Variants in KLHL4 observed in about 807,000 individuals in gnomAD.
KLHL4 encodes the protein kelch like family member 4.
In KLHL4, 17 loss-of-function variants were observed where a neutral mutation model predicts 45.8. That is an observed-to-expected ratio of 0.37 (90% CI 0.25 to 0.56). The LOEUF is 0.56. Among genes scored for constraint, KLHL4 ranks in the 20% least tolerant of loss-of-function variants. KLHL4 has a pLI of 0.79. For synonymous variants in KLHL4, 224 were observed against 189.9 expected (o/e 1.18, Z -1.47); for missense variants, 544 against 544.9 (o/e 1.00, Z 0.02).
intron 1 of KLHL4, among the ~76,000 whole-genome samples, chrX:87,538,786 A>C (rs1175475269): frequency 9.0e-6 from 1 of 111,189 alleles, no homozygotes; most frequent in Non-Finnish European, 1.9e-5. Flanking sequence ...CTTCTCTTAA[A>C]CTTCAGGAAT....
chrX:87,618,265 G>A (rs1201252681), intron 4 of KLHL4, 137 bp downstream of exon 4: 6 of 428,093 alleles, frequency 1.4e-5, no homozygotes, highest in Non-Finnish European at 2.2e-5. Context: ...TTGTCTGGTT[G>A]AGCTGCACTC....
intron 1 of KLHL4, among the ~76,000 whole-genome samples, chrX:87,536,341 AGTTACCT>A (rs1931427189): frequency 9.0e-6 from 1 of 111,252 alleles, no homozygotes; most frequent in East Asian, 2.8e-4. Flanking sequence ...TGACTTTTAA[AGTTACCT>A]TGCAATTTTT....
intron 1 of KLHL4, among the ~76,000 whole-genome samples, chrX:87,558,032 A>G (rs1388502470): frequency 8.9e-6 from 1 of 111,790 alleles, no homozygotes; most frequent in Non-Finnish European, 1.9e-5. Flanking sequence ...TTGTCTAAGA[A>G]ATTGCTTAAA....
At chrX:87,640,727 A>G (rs1482281597) in intron 9 of KLHL4, among the ~76,000 whole-genome samples, 3 of 111,728 alleles carry the variant, frequency 2.7e-5, no homozygotes, top group Admixed American at 9.5e-5. Context: ...ACCCACAGCC[A>G]ACATAATACT....
At chrX:87,628,745 T>C (rs909859885) in intron 6 of KLHL4, among the ~76,000 whole-genome samples, 1 of 111,646 alleles carries the variant, frequency 9.0e-6, no homozygotes, top group Admixed American at 9.6e-5. Flanking sequence ...CTTTTATATT[T>C]TGATGTTTAG....
At chrX:87,561,345 C>T (rs1252146768) in intron 1 of KLHL4, among the ~76,000 whole-genome samples, 1 of 110,798 alleles carries the variant, frequency 9.0e-6, no homozygotes, top group African/African-American at 3.3e-5. Context: ...CACATTGGGG[C>T]AGGGATAATC....
chrX:87,625,203 G>A (rs1238254077), intron 5 of KLHL4, among the ~76,000 whole-genome samples: 4 of 112,374 alleles, frequency 3.6e-5, no homozygotes, highest in Non-Finnish European at 7.5e-5. Context: ...GCTACTACCA[G>A]CAGATTTTTA....
chrX:87,551,606 GATAGAA>G (rs1252259275), intron 1 of KLHL4, among the ~76,000 whole-genome samples: 1 of 109,327 alleles, frequency 9.1e-6, no homozygotes, highest in Non-Finnish European at 1.9e-5. Context: ...TAGATAGATA[GATAGAA>G]ATAGAAATCT....
chrX:87,564,489 A>G (rs912976082), intron 1 of KLHL4, among the ~76,000 whole-genome samples: 4 of 111,664 alleles, frequency 3.6e-5, no homozygotes, highest in African/African-American at 9.7e-5. Context: ...GAAATAATGT[A>G]AAAATATATT....
chrX:87,657,222 T>G (rs1348414193), intron 9 of KLHL4, among the ~76,000 whole-genome samples: 4 of 111,962 alleles, frequency 3.6e-5, no homozygotes, highest in African/African-American at 9.7e-5. Flanking sequence ...TGCTTTATAT[T>G]TGCTTATCAG....
chrX:87,587,229 A>T (rs1173122036), intron 1 of KLHL4, among the ~76,000 whole-genome samples: 1 of 109,464 alleles, frequency 9.1e-6, no homozygotes, highest in Non-Finnish European at 1.9e-5. Flanking sequence ...AATTAATAAC[A>T]ATCTCACTCA....
intron 1 of KLHL4, among the ~76,000 whole-genome samples, chrX:87,536,911 A>T (rs1931441986): frequency 8.9e-6 from 1 of 111,794 alleles, no homozygotes. Context: ...CTTCATTGTA[A>T]CATAAGTTTA....
At chrX:87,649,282 T>C (rs900651529) in intron 9 of KLHL4, among the ~76,000 whole-genome samples, 2 of 111,913 alleles carry the variant, frequency 1.8e-5, no homozygotes, top group African/African-American at 6.5e-5. Flanking sequence ...GAATCATAAA[T>C]AGTTATTATT....
chrX:87,537,827 G>T (rs1457731649), intron 1 of KLHL4, among the ~76,000 whole-genome samples: 1 of 111,031 alleles, frequency 9.0e-6, no homozygotes, highest in African/African-American at 3.3e-5. Context: ...ATATTTATAT[G>T]GTACTTGTAA....
At chrX:87,565,753 A>T (rs1361580684) in intron 1 of KLHL4, among the ~76,000 whole-genome samples, 2 of 94,337 alleles carry the variant, frequency 2.1e-5, no homozygotes, top group Non-Finnish European at 4.1e-5. Flanking sequence ...TCTTACAGAT[A>T]CAAAAATAAT....
chrX:87,613,848 C>T, intron 1 of KLHL4, 29 bp from the exon 2 acceptor site: 1 of 1,078,632 alleles, frequency 9.3e-7, no homozygotes, highest in East Asian at 3.2e-5. Context: ...ATATGATGAA[C>T]CATATTCTCA....
chrX:87,662,334 C>T (rs1345598746), intron 9 of KLHL4, among the ~76,000 whole-genome samples: 1 of 111,205 alleles, frequency 9.0e-6, no homozygotes, highest in African/African-American at 3.3e-5. Flanking sequence ...TTATGTGATT[C>T]ATAGATGAAG....
intron 1 of KLHL4, among the ~76,000 whole-genome samples, chrX:87,531,088 A>G (rs1931262054): frequency 9.0e-6 from 1 of 111,362 alleles, no homozygotes; most frequent in African/African-American, 3.3e-5. Flanking sequence ...GTGTCTGTTC[A>G]TGTCCTTTGC....
At chrX:87,557,734 A>C (rs901869162) in intron 1 of KLHL4, among the ~76,000 whole-genome samples, 2 of 69,901 alleles carry the variant, frequency 2.9e-5, no homozygotes, top group African/African-American at 1.2e-4. Flanking sequence ...CGGTTTTAAA[A>C]GTTATTTTAA....
Sources: gnomAD v4.1 joint callset for allele counts (sites outside exome capture counted in the v4.1 genomes callset) on GRCh38, gnomAD v4.1.1 for gene constraint, MANE v1.5 for transcripts, NCBI Gene and HGNC (gene_info 2026-07-23, HGNC 2026-07-21) for gene names.